The following MACROD2 variants were observed in gnomAD, a reference collection of about 807,000 sequenced individuals.
MACROD2 encodes mono-ADP ribosylhydrolase 2, also known as ADP-ribose glycohydrolase MACROD2.
A neutral mutation model predicts 70.4 loss-of-function variants in MACROD2; 36 were observed. That is an observed-to-expected ratio of 0.51 (90% CI 0.39 to 0.68). The LOEUF (loss-of-function observed/expected upper bound fraction) is 0.68. Among genes scored for constraint, MACROD2 ranks in the 30% least tolerant of loss-of-function variants. MACROD2 has a pLI of 0.00. For synonymous variants in MACROD2, 172 were observed against 178.8 expected, an observed-to-expected ratio of 0.96 and a Z score of 0.30; for missense variants, 496 against 538.4, an observed-to-expected ratio of 0.92 and a Z score of 0.78.
intron 3 of MACROD2, among the ~76,000 whole-genome samples, chr20:14,255,683 T>TAATAAATAAATAAATA (rs199558871): frequency 3.7e-5 from 5 of 136,938 alleles, no homozygotes; most frequent in East Asian, 2.0e-4. Context: ...CTTAAAAGTA[T>TAATAAATAAATAAATA]AATAAATAAA....
intron 15 of MACROD2, among the ~76,000 whole-genome samples, chr20:16,033,862 TG>T (rs1196010191): frequency 1.0e-4 from 15 of 145,358 alleles, no homozygotes; most frequent in East Asian, 4.1e-4. Context: ...GGGGGTGGGG[TG>T]GGGGAGAAAG....
intron 4 of MACROD2, among the ~76,000 whole-genome samples, chr20:14,508,158 T>C (rs901222098): frequency 6.6e-6 from 1 of 152,152 alleles, no homozygotes; most frequent in Non-Finnish European, 1.5e-5. Flanking sequence ...TCACCTCTGG[T>C]TCACCGTTAG....
At chr20:14,635,869 G>A (rs985429263) in intron 4 of MACROD2, among the ~76,000 whole-genome samples, 1 of 152,192 alleles carries the variant, frequency 6.6e-6, no homozygotes, top group African/African-American at 2.4e-5. Flanking sequence ...ATAAAAATGT[G>A]AGGATGTGAT....
rs1601314961 is a variant in MACROD2, at chr20:16,007,637, A to G, written c.1153+20479A>G. ...TTAAAAATTTTTTCAAAACAGCGGT[A>G]TCTACTTTTCTTCAAACTGAAATTA... is the stretch of plus-strand genomic sequence containing the variant. On this transcript the variant is annotated intron_variant, in intron 15 of 17. Transcript: ENST00000684519. 3.3e-5 allele frequency among the ~76,000 whole-genome samples: 5 copies of G among 152,346 alleles called. No homozygotes were observed. In the East Asian group the frequency reaches 9.6e-4, roughly 29 times the overall value.
chr20:15,233,176 T>A (rs987900031), intron 6 of MACROD2, among the ~76,000 whole-genome samples: 4 of 152,158 alleles, frequency 2.6e-5, no homozygotes, highest in Non-Finnish European at 1.5e-5. Flanking sequence ...TAATTTAGGA[T>A]GTTAAGGCAT....
intron 6 of MACROD2, among the ~76,000 whole-genome samples, chr20:15,417,952 T>A (rs1407964251): frequency 6.6e-6 from 1 of 152,328 alleles, no homozygotes; most frequent in Non-Finnish European, 1.5e-5. Context: ...TCTAACCAGT[T>A]CTTTCTCAAG....
chr20:15,834,833 C>G (rs2064095065), intron 8 of MACROD2, among the ~76,000 whole-genome samples: 2 of 152,292 alleles, frequency 1.3e-5, no homozygotes, highest in East Asian at 3.9e-4. Context: ...ACCATGGCCC[C>G]ATGACTCTCC....
rs577688859 is a variant in MACROD2, at chr20:15,245,681, A to G, written c.540+15620A>G. 2.6e-5 allele frequency among the ~76,000 whole-genome samples: 4 copies of G among 152,346 alleles called. No homozygotes were observed. In the South Asian group the frequency reaches 8.3e-4, roughly 32 times the overall value. On this transcript the variant is annotated intron_variant, in intron 6 of 17. Coordinates refer to ENST00000684519, the MANE Select transcript of MACROD2 (RefSeq NM_001351661.2). ...CAGTATTCAATAAATTACATGATATATTTCACACTAAATTATAAGCTAGAC... is the reference window on the plus strand; with the variant it reads ...CAGTATTCAATAAATTACATGATATGTTTCACACTAAATTATAAGCTAGAC...
chr20:15,111,473 T>C (rs575461421), intron 5 of MACROD2, among the ~76,000 whole-genome samples: 38 of 152,268 alleles, frequency 2.5e-4, no homozygotes, highest in African/African-American at 8.4e-4. Flanking sequence ...CCTGGCCCTC[T>C]AGTGTGTTTT....
At chr20:14,336,271 TTTAAAATAGCC>T (rs1163531144) in intron 3 of MACROD2, among the ~76,000 whole-genome samples, 2 of 152,118 alleles carry the variant, frequency 1.3e-5, no homozygotes, top group Non-Finnish European at 2.9e-5. Context: ...ATTAAGAATG[TTTAAAATAGCC>T]TTATTATTAA....
chr20:14,712,317 C>T (rs2071347941), intron 5 of MACROD2, among the ~76,000 whole-genome samples: 3 of 152,180 alleles, frequency 2.0e-5, no homozygotes, highest in African/African-American at 7.2e-5. Context: ...CAGAAAGCAG[C>T]CAAAGTGGAC....
intron 3 of MACROD2, among the ~76,000 whole-genome samples, chr20:14,160,003 T>C (rs2148716736): frequency 6.6e-6 from 1 of 152,334 alleles, no homozygotes; most frequent in East Asian, 1.9e-4. Flanking sequence ...TCCTTTATTC[T>C]GTTGATGTGA....
chr20:15,209,141 A>ATTTC (rs143238572), intron 5 of MACROD2, among the ~76,000 whole-genome samples: 1,744 of 141,712 alleles, frequency 0.012, 27 homozygotes, highest in African/African-American at 0.044. Flanking sequence ...TTATTTATTT[A>ATTTC]TTTATTTTTT....
chr20:14,594,438 A>G (rs1981986526), intron 4 of MACROD2, among the ~76,000 whole-genome samples: 1 of 152,232 alleles, frequency 6.6e-6, no homozygotes, highest in South Asian at 2.1e-4. Context: ...GATACGTTAA[A>G]ATTGTATTAA....
chr20:14,414,765 T>C (rs191748797), intron 3 of MACROD2, among the ~76,000 whole-genome samples: 3 of 152,104 alleles, frequency 2.0e-5, no homozygotes, highest in Non-Finnish European at 2.9e-5. Flanking sequence ...TTTGCACTGC[T>C]TTTCCCTCTG....
intron 4 of MACROD2, among the ~76,000 whole-genome samples, chr20:14,631,497 A>G (rs937862364): frequency 2.0e-5 from 3 of 152,198 alleles, no homozygotes; most frequent in Non-Finnish European, 4.4e-5. Flanking sequence ...CGGGCCGGGC[A>G]CGGTGGCTTA....
intron 3 of MACROD2, chr20:14,327,476 T>C (rs2122584103): frequency 3.1e-6 from 5 of 1,613,136 alleles, no homozygotes; most frequent in Non-Finnish European, 4.2e-6. Context: ...TTAGTCCCGA[T>C]GAGGAAGATG....
chr20:15,167,636 T>G (rs76907277), intron 5 of MACROD2, among the ~76,000 whole-genome samples: 8 of 152,150 alleles, frequency 5.3e-5, no homozygotes, highest in Non-Finnish European at 1.5e-5. Context: ...ATATCAAAGG[T>G]CAGAGCAGAC....
intron 10 of MACROD2, among the ~76,000 whole-genome samples, chr20:15,923,462 A>G (rs112761924): frequency 0.044 from 6,652 of 152,276 alleles, 302 homozygotes; most frequent in East Asian, 0.24. Context: ...TCTGGGAGAT[A>G]CAATTCAAGT....
Sources: gnomAD v4.1 joint callset for allele counts (sites outside exome capture counted in the v4.1 genomes callset) on GRCh38, gnomAD v4.1.1 for gene constraint, MANE v1.5 for transcripts, NCBI Gene and HGNC (gene_info 2026-07-23, HGNC 2026-07-21) for gene names.